The following USP39 variants were observed in gnomAD, a reference collection of about 807,000 sequenced individuals.
USP39 encodes the protein ubiquitin specific peptidase 39, also known as ubiquitin carboxyl-terminal hydrolase 39.
Under a neutral mutation model 66.4 loss-of-function variants are expected in USP39, and 38 were observed. The ratio of observed to expected loss-of-function variants is 0.57; its 90% CI spans 0.44 to 0.75. The LOEUF is 0.75. USP39 is among the 30% of genes least tolerant of loss of function. The pLI is 0.00. For missense variants in USP39, 608 were observed against 714.4 expected (o/e 0.85, Z 1.70); for synonymous variants, 303 against 274.6 (o/e 1.10, Z -1.02).
intron 4 of USP39, 82 bp downstream of exon 4, chr2:85,623,864 A>G: frequency 2.1e-6 from 3 of 1,455,274 alleles, no homozygotes; most frequent in Non-Finnish European, 2.8e-6. Context: ...CCACCTGAGG[A>G]CAGGGAAGAA....
At chr2:85,639,467 T>C (rs531383207) in intron 9 of USP39, 76 bp downstream of exon 9, 2 of 1,463,068 alleles carry the variant, frequency 1.4e-6, no homozygotes, top group South Asian at 1.3e-5. Context: ...TTTTTTTTTT[T>C]TTTCAAGACA....
chr2:85,623,814 A>G (rs990435362), intron 4 of USP39, 32 bp downstream of exon 4: 9 of 1,590,338 alleles, frequency 5.7e-6, no homozygotes, highest in Non-Finnish European at 7.7e-6. Context: ...TTTGGGGTCC[A>G]TTCTTTAATG....
Position 85,630,714 on chromosome 2 carries a change from T to A in USP39, c.724-7T>A. 6.2e-7 allele frequency: 1 copy of A among 1,613,828 alleles called. No homozygotes were observed. Among genetic ancestry groups the A allele is most frequent in the Non-Finnish European group, 8.5e-7 (1 of 1,179,740 alleles). On this transcript the variant is annotated splice_polypyrimidine_tract_variant and splice_region_variant and intron_variant, in intron 5 of 12. Coordinates refer to ENST00000323701, the MANE Select transcript of USP39 (RefSeq NM_006590.4). ...GCTTTGGGTTAATCGGAGTGTTTGA[T>A]TTTTAGGCTCTATCTAATGTTCCTC...
intron 9 of USP39, chr2:85,639,700 G>A (rs541146848): frequency 1.5e-5 from 3 of 204,650 alleles, no homozygotes; most frequent in South Asian, 1.0e-4. Flanking sequence ...AGCCTGCCTC[G>A]CCTCCCAAAG....
At chr2:85,645,333 G>A (rs1394166549) in intron 11 of USP39, 2 of 360,554 alleles carry the variant, frequency 5.5e-6, no homozygotes, top group South Asian at 7.2e-5. Context: ...CTGGAGTGCA[G>A]TGGCGTGATC....
intron 3 of USP39, among the ~76,000 whole-genome samples, chr2:85,622,262 C>T (rs1292834124): frequency 6.6e-6 from 1 of 151,912 alleles, no homozygotes; most frequent in Non-Finnish European, 1.5e-5. Flanking sequence ...GCTGGGATTA[C>T]AGGCATGCAC....
upstream of USP39, chr2:85,609,111 C>T: frequency 6.2e-7 from 1 of 1,605,932 alleles, no homozygotes; most frequent in Non-Finnish European, 8.5e-7. Flanking sequence ...TGGCCTCTTC[C>T]AGAAAGGTGA....
At chr2:85,625,992 T>C (rs894934861) in intron 5 of USP39, among the ~76,000 whole-genome samples, 1 of 151,454 alleles carries the variant, frequency 6.6e-6, no homozygotes, top group Non-Finnish European at 1.5e-5. Context: ...CACTCCAGCC[T>C]GGGGAACAGT....
intron 11 of USP39, among the ~76,000 whole-genome samples, chr2:85,647,668 A>C (rs112249314): frequency 0.078 from 11,883 of 151,912 alleles, 1,525 homozygotes; most frequent in African/African-American, 0.27. Flanking sequence ...CAAAAAAAAA[A>C]AAAAACAAAA....
At chr2:85,623,915 G>A (rs1674651785) in intron 4 of USP39, 133 bp downstream of exon 4, 2 of 999,628 alleles carry the variant, frequency 2.0e-6, no homozygotes, top group Non-Finnish European at 1.4e-6. Context: ...TTTCTCTTTT[G>A]GGAAGAACTG....
At chr2:85,613,265 T>C (rs1415239411), upstream of USP39, among the ~76,000 whole-genome samples, 1 of 151,816 alleles carries the variant, frequency 6.6e-6, no homozygotes, top group Non-Finnish European at 1.5e-5. Context: ...TCCCAGCACT[T>C]TGGGAGGCCC....
chr2:85,648,436 G>T (rs553229193), intron 12 of USP39, among the ~76,000 whole-genome samples: 11 of 152,232 alleles, frequency 7.2e-5, no homozygotes, highest in African/African-American at 2.6e-4. Context: ...ATATCGCTTT[G>T]CCTGTCTGTC....
chr2:85,648,703 T>TA, intron 12 of USP39, 58 bp from the exon 13 acceptor site: 1 of 1,585,356 alleles, frequency 6.3e-7, no homozygotes, highest in South Asian at 1.1e-5. Context: ...AGGTATTTGA[T>TA]AAGTGTCTGT....
At chr2:85,627,219 C>G (rs1334069086) in intron 5 of USP39, among the ~76,000 whole-genome samples, 1 of 151,694 alleles carries the variant, frequency 6.6e-6, no homozygotes, top group South Asian at 2.1e-4. Flanking sequence ...GCCTTAGCCT[C>G]CTGAGTAGCT....
intron 3 of USP39, among the ~76,000 whole-genome samples, chr2:85,622,936 T>C (rs1674572152): frequency 6.6e-6 from 1 of 152,178 alleles, no homozygotes; most frequent in African/African-American, 2.4e-5. Context: ...GGAGTCAAGG[T>C]TGACATGTAA....
At chr2:85,605,542 C>A (rs1221549170) in intron 1 of USP39, among the ~76,000 whole-genome samples, 1 of 152,148 alleles carries the variant, frequency 6.6e-6, no homozygotes, top group Non-Finnish European at 1.5e-5. Context: ...CCATCTGATT[C>A]CTCAGGGACA....
At chr2:85,628,309 C>G (rs1459053935) in intron 5 of USP39, among the ~76,000 whole-genome samples, 1 of 152,056 alleles carries the variant, frequency 6.6e-6, no homozygotes, top group Non-Finnish European at 1.5e-5. Context: ...CCATGCCTAG[C>G]TAATTTTTTG....
At chr2:85,631,715 G>T (rs1675354624) in intron 6 of USP39, among the ~76,000 whole-genome samples, 1 of 151,776 alleles carries the variant, frequency 6.6e-6, no homozygotes, top group African/African-American at 2.4e-5. Flanking sequence ...CCCACATTAG[G>T]GTATTCTGAT....
At chr2:85,616,513 C>G in intron 1 of USP39, 50 bp downstream of exon 1, 1 of 1,357,304 alleles carries the variant, frequency 7.4e-7, no homozygotes, top group East Asian at 3.0e-5. Context: ...TTTTTCGCGT[C>G]CTTTTTTCTT....
Sources: gnomAD v4.1 joint callset for allele counts (sites outside exome capture counted in the v4.1 genomes callset) on GRCh38, gnomAD v4.1.1 for gene constraint, MANE v1.5 for transcripts, NCBI Gene and HGNC (gene_info 2026-07-23, HGNC 2026-07-21) for gene names.